RBFOX1: variants seen among roughly 807,000 people sequenced by gnomAD.
RBFOX1 encodes the protein RNA binding protein fox-1 homolog 1.
RBFOX1 carries 8 observed loss-of-function variants against 57.7 expected under a neutral mutation model. The ratio of observed to expected loss-of-function variants is 0.14; its 90% CI spans 0.08 to 0.25. RBFOX1 has a LOEUF of 0.25. Among genes scored for constraint, RBFOX1 ranks in the 10% least tolerant of loss-of-function variants. The probability of loss-of-function intolerance (pLI) is 1.00; values close to 1 mark genes in which losing one functional copy is unlikely to be tolerated. For missense variants in RBFOX1, 611 were observed against 548.5 expected (o/e 1.11, Z -1.14); for synonymous variants, 326 against 222.4 (o/e 1.47, Z -4.15).
chr16:6,598,287 C>G (rs2097798440), intron 2 of RBFOX1, among the ~76,000 whole-genome samples: 1 of 152,042 alleles, frequency 6.6e-6, no homozygotes, highest in South Asian at 2.1e-4. Context: ...TTGTCAGGAT[C>G]TAAAATTATT....
At chr16:5,379,953 C>A (rs2066088309) in intron 1 of RBFOX1, among the ~76,000 whole-genome samples, 1 of 152,192 alleles carries the variant, frequency 6.6e-6, no homozygotes, top group South Asian at 2.1e-4. Context: ...TTGGAGGAAT[C>A]ATCCCGGGCA....
intron 2 of RBFOX1, among the ~76,000 whole-genome samples, chr16:6,589,063 G>A (rs961528663): frequency 2.6e-5 from 4 of 151,618 alleles, no homozygotes. Context: ...TGATAGTAGT[G>A]ACATGATGCT....
At chr16:5,244,328 T>G (rs968411936) in intron 1 of RBFOX1, among the ~76,000 whole-genome samples, 13 of 152,340 alleles carry the variant, frequency 8.5e-5, no homozygotes, top group Admixed American at 6.5e-4. Flanking sequence ...CCACCTAGAC[T>G]GCAGAGTGGA....
chr16:7,187,688 CACAAAAAAAAAAAAAAAAAAA>C (rs1461600305), intron 4 of RBFOX1, among the ~76,000 whole-genome samples: 4 of 43,218 alleles, frequency 9.3e-5, no homozygotes, highest in Admixed American at 4.0e-4. Context: ...GACTCTGTCT[CACAAAAAAAAAAAAAAAAAAA>C]AAAAAAAAAA....
intron 4 of RBFOX1, among the ~76,000 whole-genome samples, chr16:7,467,175 G>T (rs2060677413): frequency 3.9e-5 from 6 of 152,186 alleles, no homozygotes; most frequent in Admixed American, 3.9e-4. Flanking sequence ...AGACTTCTTT[G>T]CATCCCTATG....
chr16:6,612,701 A>T (rs895588291), intron 2 of RBFOX1, among the ~76,000 whole-genome samples: 5 of 151,690 alleles, frequency 3.3e-5, no homozygotes, highest in Non-Finnish European at 5.9e-5. Flanking sequence ...AAAATACAAA[A>T]ATTAGCCGGG....
At chr16:5,758,791 A>G (rs769320919) in intron 3 of RBFOX1, among the ~76,000 whole-genome samples, 1 of 152,152 alleles carries the variant, frequency 6.6e-6, no homozygotes, top group Non-Finnish European at 1.5e-5. Context: ...GGTGGGAGAA[A>G]GGTTATGAAT....
At chr16:5,393,695 A>ACAT (rs143481864) in intron 1 of RBFOX1, among the ~76,000 whole-genome samples, 2,799 of 152,286 alleles carry the variant, frequency 0.018, 94 homozygotes, top group African/African-American at 0.063. Flanking sequence ...TTTTTAAAAA[A>ACAT]GGTGGTAAAA....
At chr16:6,347,970 GA>G in intron 2 of RBFOX1, among the ~76,000 whole-genome samples, 1 of 152,186 alleles carries the variant, frequency 6.6e-6, no homozygotes, top group Non-Finnish European at 1.5e-5. Flanking sequence ...CTGAATACAA[GA>G]AAGCAGGAAA....
chr16:5,396,584 G>A (rs1019769307), intron 1 of RBFOX1, among the ~76,000 whole-genome samples: 4 of 152,166 alleles, frequency 2.6e-5, no homozygotes, highest in Non-Finnish European at 4.4e-5. Context: ...AGAGGTTGCA[G>A]TGAGCTGAGA....
chr16:7,184,991 A>G (rs1008085493), intron 4 of RBFOX1, among the ~76,000 whole-genome samples: 2 of 152,112 alleles, frequency 1.3e-5, no homozygotes, highest in African/African-American at 4.8e-5. Flanking sequence ...TACAATATGC[A>G]TAGGATAGCC....
chr16:6,909,552 A>G (rs780890980), intron 3 of RBFOX1, among the ~76,000 whole-genome samples: 1 of 152,240 alleles, frequency 6.6e-6, no homozygotes, highest in South Asian at 2.1e-4. Flanking sequence ...TATCTCCAGC[A>G]AACATGCATT....
intron 3 of RBFOX1, among the ~76,000 whole-genome samples, chr16:6,824,983 G>GTTTTTTTGT (rs2091916629): frequency 1.1e-4 from 4 of 36,880 alleles, no homozygotes; most frequent in Non-Finnish European, 2.4e-4. Flanking sequence ...TTCTTTCTTG[G>GTTTTTTTGT]TTTTTTTTTT....
At position 6,896,712 on chromosome 16, in the gene RBFOX1, C is replaced by T. The variant is rs1024563213; in HGVS notation, c.-15-155345C>T. Among the ~76,000 whole-genome samples the T allele has an allele frequency of 9.9e-5, 15 of 152,208 alleles. No individual in the cohort carries two copies. The South Asian group carries it at 2.3e-3, about 23-fold the overall frequency. On this transcript the variant is annotated intron_variant, in intron 3 of 15. Coordinates refer to ENST00000550418, the MANE Select transcript of RBFOX1 (RefSeq NM_018723.4). ...GTGGTCATTGTGTTAGAAAAGTGCC[C>T]GGTAAATTATGCTCTATGAATGCGA...
intron 2 of RBFOX1, among the ~76,000 whole-genome samples, chr16:6,451,957 C>G (rs1342211683): frequency 6.6e-6 from 1 of 150,608 alleles, no homozygotes; most frequent in Non-Finnish European, 1.5e-5. Flanking sequence ...TGAGTCCACC[C>G]ATGGCTCTCC....
At chr16:6,412,145 CAAAAAA>C (rs1382315085) in intron 2 of RBFOX1, among the ~76,000 whole-genome samples, 1 of 139,796 alleles carries the variant, frequency 7.2e-6, no homozygotes, top group Non-Finnish European at 1.5e-5. Flanking sequence ...AAAAAAAAAA[CAAAAAA>C]ACAAAAAAAC....
chr16:7,220,133 G>A (rs1040557987), intron 4 of RBFOX1, among the ~76,000 whole-genome samples: 5 of 152,134 alleles, frequency 3.3e-5, no homozygotes, highest in Non-Finnish European at 7.4e-5. Context: ...AATTGTCCTA[G>A]CACCCATCTC....
chr16:7,242,550 G>A lies in RBFOX1; in HGVS notation c.27+190452G>A, dbSNP rs990767376. Among the ~76,000 whole-genome samples the A allele has an allele frequency of 3.9e-5, 6 of 152,210 alleles. No homozygotes were observed. The East Asian group carries it at 7.7e-4, about 20-fold the overall frequency. On this transcript the variant is annotated intron_variant, in intron 4 of 15. Transcript: ENST00000550418. ...AAGGAAATGGAATGGTCTGGAACAC[G>A]TGGCAACTTGGACATGGGGAGGTCT...
chr16:7,622,414 T>G (rs796352964), intron 10 of RBFOX1, among the ~76,000 whole-genome samples: 5 of 152,350 alleles, frequency 3.3e-5, no homozygotes, highest in African/African-American at 9.6e-5. Flanking sequence ...TTTATCATAT[T>G]AAGTTAAATA....
Sources: allele counts gnomAD v4.1 joint callset (sites outside exome capture counted in the v4.1 genomes callset), GRCh38; gene constraint gnomAD v4.1.1; transcripts MANE v1.5; gene names NCBI Gene and HGNC (gene_info 2026-07-23, HGNC 2026-07-21).